The following CTNNA3 variants were observed in gnomAD, a reference collection of about 807,000 sequenced individuals.
CTNNA3 encodes the protein catenin alpha 3.
In CTNNA3, 76 loss-of-function variants were observed where a neutral mutation model predicts 95.7. The ratio of observed to expected loss-of-function variants is 0.79; its 90% CI spans 0.66 to 0.96. The LOEUF (loss-of-function observed/expected upper bound fraction) is 0.96. Ranked by LOEUF, CTNNA3 falls within the 40% of genes least tolerant of loss-of-function variation. CTNNA3 has a pLI of 0.00. For synonymous variants in CTNNA3, 431 were observed against 374.4 expected, an observed-to-expected ratio of 1.15 and a Z score of -1.74; for missense variants, 1,191 against 1,089.8, an observed-to-expected ratio of 1.09 and a Z score of -1.31.
chr10:65,928,220 T>C (rs2077197256), intron 17 of CTNNA3, among the ~76,000 whole-genome samples: 1 of 152,200 alleles, frequency 6.6e-6, no homozygotes, highest in Admixed American at 6.5e-5. Flanking sequence ...ATACAGATAT[T>C]GTTCAAGCAT....
chr10:66,845,135 CTT>C (rs1276256359), intron 7 of CTNNA3, among the ~76,000 whole-genome samples: 3 of 152,082 alleles, frequency 2.0e-5, no homozygotes, highest in Non-Finnish European at 4.4e-5. Context: ...AATGGGTAGA[CTT>C]TGCACTGACA....
chr10:65,960,511 C>T (rs7911618), intron 17 of CTNNA3, among the ~76,000 whole-genome samples: 2,331 of 151,910 alleles, frequency 0.015, 61 homozygotes, highest in African/African-American at 0.053. Context: ...GGTGACAGAG[C>T]GAGACTCCGT....
At chr10:66,334,774 T>C (rs2092375427) in intron 12 of CTNNA3, among the ~76,000 whole-genome samples, 2 of 152,094 alleles carry the variant, frequency 1.3e-5, no homozygotes, top group Admixed American at 1.3e-4. Context: ...ATTTGAATGT[T>C]GGCCTGCCTT....
At chr10:66,457,019 A>C (rs77191217) in intron 11 of CTNNA3, among the ~76,000 whole-genome samples, 9,369 of 151,930 alleles carry the variant, frequency 0.062, 575 homozygotes, top group East Asian at 0.23. Context: ...TCTTGAGCCC[A>C]AGACGTCGTG....
In CTNNA3 at chr10:67,424,752, T is replaced by C. The variant is rs150384447; in HGVS notation, c.579+97090A>G. Among the ~76,000 whole-genome samples the C allele has an allele frequency of 2.0e-5, 3 of 152,262 alleles. No homozygotes were observed. In the East Asian group the frequency reaches 5.8e-4, roughly 29 times the overall value. ...ATTTCTATATTTATTTGTCTAATTA[T>C]GCTCATCGACTAAATTGTAAGTTCC... is the stretch of plus-strand genomic sequence containing the variant. On this transcript the variant is annotated intron_variant, in intron 5 of 17. Transcript: ENST00000433211.
intron 12 of CTNNA3, among the ~76,000 whole-genome samples, chr10:66,375,486 T>A (rs1226832733): frequency 6.6e-6 from 1 of 152,160 alleles, no homozygotes; most frequent in Middle Eastern, 3.4e-3. Flanking sequence ...GTATGTAGAC[T>A]ACTAATTTTC....
chr10:67,573,615 G>C (rs2133294938), intron 3 of CTNNA3, among the ~76,000 whole-genome samples: 1 of 151,886 alleles, frequency 6.6e-6, no homozygotes, highest in Admixed American at 6.6e-5. Flanking sequence ...ATGAGATGAA[G>C]ACAGAAGGTT....
chr10:67,361,002 C>A (rs1842973735), intron 5 of CTNNA3, among the ~76,000 whole-genome samples: 1 of 151,232 alleles, frequency 6.6e-6, no homozygotes, highest in African/African-American at 2.4e-5. Context: ...GACTTTAAAC[C>A]ATCTACAGTA....
intron 6 of CTNNA3, among the ~76,000 whole-genome samples, chr10:67,215,582 G>A (rs1864321625): frequency 6.6e-6 from 1 of 152,120 alleles, no homozygotes; most frequent in Non-Finnish European, 1.5e-5. Context: ...TATGAATGCT[G>A]ACCCAAAGTC....
chr10:66,708,872 A>G (rs773700929), intron 9 of CTNNA3, among the ~76,000 whole-genome samples: 1 of 152,102 alleles, frequency 6.6e-6, no homozygotes, highest in Non-Finnish European at 1.5e-5. Context: ...TAGAGAGTTA[A>G]TCATTGTGTG....
At chr10:67,101,831 A>G (rs1344128500) in intron 7 of CTNNA3, among the ~76,000 whole-genome samples, 1 of 151,864 alleles carries the variant, frequency 6.6e-6, no homozygotes, top group Non-Finnish European at 1.5e-5. Context: ...TAGAAGACAG[A>G]TATCATCTCT....
At chr10:66,817,463 A>C (rs1166947660) in intron 7 of CTNNA3, among the ~76,000 whole-genome samples, 3 of 152,004 alleles carry the variant, frequency 2.0e-5, no homozygotes, top group African/African-American at 7.2e-5. Flanking sequence ...AATTACCAAA[A>C]TCAGGAATGA....
intron 7 of CTNNA3, among the ~76,000 whole-genome samples, chr10:67,070,986 G>T (rs1856418314): frequency 6.6e-6 from 1 of 152,086 alleles, no homozygotes; most frequent in Non-Finnish European, 1.5e-5. Context: ...ATGCATTCTT[G>T]AGTTGGTTCT....
At chr10:66,638,318 G>A (rs1012510544) in intron 9 of CTNNA3, among the ~76,000 whole-genome samples, 1 of 152,010 alleles carries the variant, frequency 6.6e-6, no homozygotes, top group Non-Finnish European at 1.5e-5. Flanking sequence ...AGTGCAATTC[G>A]TGATTTCCTC....
intron 5 of CTNNA3, among the ~76,000 whole-genome samples, chr10:67,489,805 T>TATATATATATATATATATATATATACAC (rs927605119): frequency 6.7e-6 from 1 of 148,946 alleles, no homozygotes; most frequent in African/African-American, 2.5e-5. Flanking sequence ...TATATATATA[T>TATATATATATATATATATATATATACAC]ACACACATTA....
chr10:66,151,822 C>T (rs911014570), intron 13 of CTNNA3, among the ~76,000 whole-genome samples: 1 of 152,022 alleles, frequency 6.6e-6, no homozygotes, highest in South Asian at 2.1e-4. Flanking sequence ...TCTATACATG[C>T]TTCAATTCTT....
At chr10:67,155,023 T>TC (rs1861244385) in intron 7 of CTNNA3, among the ~76,000 whole-genome samples, 2 of 145,814 alleles carry the variant, frequency 1.4e-5, no homozygotes, top group Admixed American at 6.9e-5. Flanking sequence ...AATTGTTTCT[T>TC]TTTTTTAGCA....
chr10:67,443,923 G>A (rs1054919282), intron 5 of CTNNA3, among the ~76,000 whole-genome samples: 1 of 152,086 alleles, frequency 6.6e-6, no homozygotes, highest in South Asian at 2.1e-4. Flanking sequence ...GGTTTTTATG[G>A]TTTTAGGTCT....
At position 66,767,107 on chromosome 10, in the gene CTNNA3, A is replaced by G. The variant is rs975521048; in HGVS notation, c.1129-691T>C. 3.9e-5 allele frequency among the ~76,000 whole-genome samples: 6 copies of G among 152,176 alleles called. No individual in the cohort carries two copies. In the East Asian group the frequency reaches 1.2e-3, roughly 29 times the overall value. ...GATATTTTCTGAGATTTAAAACTGC[A>G]CTGAAAAATTAATTCATTGTGTTTA... On this transcript the variant is annotated intron_variant, in intron 8 of 17. Transcript: ENST00000433211.
Sources: gnomAD v4.1 joint callset for allele counts (sites outside exome capture counted in the v4.1 genomes callset) on GRCh38, gnomAD v4.1.1 for gene constraint, MANE v1.5 for transcripts, NCBI Gene and HGNC (gene_info 2026-07-23, HGNC 2026-07-21) for gene names.